Variants in CNTRL observed in about 807,000 individuals in gnomAD.
CNTRL encodes the protein 110 kDa centrosomal protein.
A neutral mutation model predicts 303.7 loss-of-function variants in CNTRL; 233 were observed. The observed-to-expected ratio is 0.77, with a 90% CI of 0.69 to 0.86. The LOEUF is 0.86. Ranked by LOEUF, CNTRL falls within the 40% of genes least tolerant of loss-of-function variation. The pLI, the probability that CNTRL is intolerant of heterozygous loss-of-function variation, is 0.00. For missense variants in CNTRL, 2,524 were observed against 2,650.6 expected (o/e 0.95, Z 1.05); for synonymous variants, 900 against 922.2 (o/e 0.98, Z 0.44).
chr9:121,123,624 A>G (rs1457394922), intron 12 of CNTRL, among the ~76,000 whole-genome samples: 3 of 151,940 alleles, frequency 2.0e-5, no homozygotes, highest in Non-Finnish European at 2.9e-5. Flanking sequence ...ATAAATAAAA[A>G]AGAGAGAGAG....
chr9:121,146,172 T>A lies in CNTRL; in HGVS notation c.3375T>A (p.Tyr1125Ter), dbSNP rs146851347. The A allele has an allele frequency of 1.2e-6, 2 of 1,613,674 alleles. No homozygotes were observed. The highest frequency in any genetic ancestry group is 1.3e-5 in the African/African-American group (1 of 74,922). ...CTGAACTTCGACGTGAAGTTTCTTA[T>A]CAGAATGATTACATAAGCAGCATGG... is the stretch of plus-strand genomic sequence containing the variant. ...EIAELRREVS[Y>*]QNDYISSMAD... Residue 1125 changes from tyrosine to a stop codon, truncating the protein, a stop_gained, in exon 23 of 44, where the codon TAT becomes TAA. Transcript: ENST00000373855. LOFTEE classifies it high-confidence loss of function.
intron 39 of CNTRL, chr9:121,171,187 G>A: frequency 3.2e-6 from 2 of 621,072 alleles, no homozygotes; most frequent in Non-Finnish European, 6.0e-6. Context: ...GAAAGGGATA[G>A]TAGCTTATTA....
At chr9:121,101,607 C>A (rs561058896) in intron 7 of CNTRL, among the ~76,000 whole-genome samples, 1 of 152,096 alleles carries the variant, frequency 6.6e-6, no homozygotes, top group Non-Finnish European at 1.5e-5. Flanking sequence ...ATCAGTGAAT[C>A]CAGGAGCTGG....
At chr9:121,165,875 T>C (rs955395634) in intron 35 of CNTRL, among the ~76,000 whole-genome samples, 1 of 152,206 alleles carries the variant, frequency 6.6e-6, no homozygotes, top group Admixed American at 6.5e-5. Flanking sequence ...TTATCTGTAA[T>C]TTTTTCGTTG....
chr9:121,154,114 A>G (rs2052435962), intron 26 of CNTRL, among the ~76,000 whole-genome samples: 1 of 152,224 alleles, frequency 6.6e-6, no homozygotes, highest in South Asian at 2.1e-4. Context: ...AATCATATGT[A>G]TGCCTTCATT....
At chr9:121,105,636 C>A (rs902935729) in intron 7 of CNTRL, among the ~76,000 whole-genome samples, 1 of 152,098 alleles carries the variant, frequency 6.6e-6, no homozygotes, top group African/African-American at 2.4e-5. Context: ...GAGAGGCCAG[C>A]AAGGTAGGAG....
At chr9:121,148,552 AAAG>A in intron 23 of CNTRL, 117 bp from the exon 24 acceptor site, 1 of 895,374 alleles carries the variant, frequency 1.1e-6, no homozygotes. Context: ...AGGATAATGA[AAAG>A]AAGCCAAGTT....
chr9:121,125,949 T>C lies in CNTRL; in HGVS notation c.2025+13T>C. 2 of 1,608,362 alleles carry C rather than the reference T, an allele frequency of 1.2e-6. No homozygotes were observed. Among genetic ancestry groups the C allele is most frequent in the Non-Finnish European group, 1.7e-6 (2 of 1,174,732 alleles). ...AAATATGAGGAAGGTATGATTTTTT[T>C]CCTGCCTATTTTCCGTAGCTTCATA... is the stretch of plus-strand genomic sequence containing the variant. On this transcript the variant is annotated intron_variant, in intron 14 of 43. Coordinates refer to ENST00000373855, the MANE Select transcript of CNTRL (RefSeq NM_007018.6).
intron 23 of CNTRL, among the ~76,000 whole-genome samples, chr9:121,147,901 G>A (rs926613167): frequency 9.2e-5 from 14 of 152,148 alleles, no homozygotes; most frequent in African/African-American, 3.4e-4. Context: ...AGCTGGGTGA[G>A]GGTTTAGAGG....
At chr9:121,174,046 AGGTT>A (rs2053423722) in intron 42 of CNTRL, among the ~76,000 whole-genome samples, 1 of 152,226 alleles carries the variant, frequency 6.6e-6, no homozygotes, top group Non-Finnish European at 1.5e-5. Context: ...ATGAACTGTA[AGGTT>A]ATCATAGGCC....
chr9:121,082,591 G>C (rs1292977663), intron 2 of CNTRL, among the ~76,000 whole-genome samples: 1 of 152,148 alleles, frequency 6.6e-6, no homozygotes, highest in Admixed American at 6.5e-5. Flanking sequence ...ATAGCCTGTT[G>C]CTCCTAGACT....
intron 7 of CNTRL, among the ~76,000 whole-genome samples, chr9:121,101,828 A>C (rs1343921854): frequency 6.6e-6 from 1 of 152,232 alleles, no homozygotes; most frequent in African/African-American, 2.4e-5. Flanking sequence ...CTGGACACAT[A>C]CACCCTCCCA....
At chr9:121,149,219 C>G (rs2052060039) in intron 24 of CNTRL, among the ~76,000 whole-genome samples, 1 of 152,168 alleles carries the variant, frequency 6.6e-6, no homozygotes, top group Non-Finnish European at 1.5e-5. Context: ...ATCTCATCCT[C>G]CTAAAATGAA....
chr9:121,151,093 C>T (rs373700407), intron 25 of CNTRL, among the ~76,000 whole-genome samples: 10 of 151,456 alleles, frequency 6.6e-5, no homozygotes, highest in Non-Finnish European at 1.2e-4. Context: ...GTTTATATTT[C>T]GGTGGGGATA....
chr9:121,079,496 T>G (rs2048056367), intron 1 of CNTRL, among the ~76,000 whole-genome samples: 1 of 152,180 alleles, frequency 6.6e-6, no homozygotes, highest in Non-Finnish European at 1.5e-5. Context: ...AGTGAAACGC[T>G]GCCTCCAAAA....
Position 121,160,185 on chromosome 9 carries a change from G to A in CNTRL, c.4972G>A (p.Glu1658Lys), listed in dbSNP as rs372847886. Residue 1658 changes from glutamate (E) to lysine (K), a missense_variant, in exon 32 of 44, where the codon GAA becomes AAA. Glu to Lys is a moderately conservative substitution (Grantham distance 56, BLOSUM62 1). Transcript: ENST00000373855. ...LLEELSFQKGELNVQISERKT... is the reference protein window; with the variant it reads ...LLEELSFQKGKLNVQISERKT... ...GGAAGAACTGAGTTTTCAGAAAGGAGAACTAAATGTTCAGATTAGTGAAAG... is the reference window on the plus strand; with the variant it reads ...GGAAGAACTGAGTTTTCAGAAAGGAAAACTAAATGTTCAGATTAGTGAAAG... The A allele has an allele frequency of 2.4e-5, 37 of 1,529,030 alleles. No homozygotes were observed. The highest frequency in any genetic ancestry group is 3.2e-5 in the Non-Finnish European group (37 of 1,145,674). 94.7% of individuals were successfully genotyped at this position (1,529,030 alleles called of 1,614,324 possible). A position where few individuals can be genotyped will look rare whatever the true frequency, so the allele number is the denominator to read the frequency against.
At chr9:121,146,041 CTT>C in intron 22 of CNTRL, 65 bp from the exon 23 acceptor site, 7 of 1,404,874 alleles carry the variant, frequency 5.0e-6, no homozygotes, top group Non-Finnish European at 6.8e-6. Flanking sequence ...CTTAGAATCT[CTT>C]TTATATTTTG....
Position 121,113,706 on chromosome 9 carries a change from G to GAA in CNTRL, c.1335_1336dup (p.Ile446LysfsTer2). 2.7e-6 allele frequency: 4 copies of GAA among 1,489,416 alleles called. No homozygotes were observed. The highest frequency in any genetic ancestry group is 1.4e-5 in the South Asian group (1 of 72,348). The allele number at this position is 1,489,416 out of a possible 1,614,324, so 92.3% of individuals were successfully genotyped here. A position where few individuals can be genotyped will look rare whatever the true frequency, so the allele number is the denominator to read the frequency against. ...ACTGGACACGCAACTGGAAGACAAAGAAAAAAAAATAAGTGCAGGTTAAAA... is the reference window on the plus strand; with the variant it reads ...ACTGGACACGCAACTGGAAGACAAAGAAAAAAAAAAATAAGTGCAGGTTAAAA... On this transcript the variant is annotated frameshift_variant, in exon 10 of 44. Coordinates refer to ENST00000373855, the MANE Select transcript of CNTRL (RefSeq NM_007018.6). LOFTEE classifies it high-confidence loss of function.
chr9:121,128,009 T>G (rs909220910), intron 14 of CNTRL, among the ~76,000 whole-genome samples: 3 of 152,218 alleles, frequency 2.0e-5, no homozygotes, highest in Admixed American at 6.5e-5. Context: ...ATTCCATGGT[T>G]TATATGTGCT....
Sources: allele counts gnomAD v4.1 joint callset (sites outside exome capture counted in the v4.1 genomes callset), GRCh38; gene constraint gnomAD v4.1.1; transcripts MANE v1.5; gene names NCBI Gene and HGNC (gene_info 2026-07-23, HGNC 2026-07-21).